Variants in GPC6 observed in about 807,000 individuals in gnomAD.
GPC6 encodes glypican 6, also known as glypican-6.
A neutral mutation model predicts 55.2 loss-of-function variants in GPC6; 14 were observed. The ratio of observed to expected loss-of-function variants is 0.25; its 90% CI spans 0.17 to 0.40. The LOEUF is 0.40. GPC6 is among the 10% of genes least tolerant of loss of function. The pLI is 1.00. For missense variants in GPC6, 641 were observed against 708.5 expected, an observed-to-expected ratio of 0.90 and a Z score of 1.08; for synonymous variants, 278 against 259.6, an observed-to-expected ratio of 1.07 and a Z score of -0.68.
intron 1 of GPC6, among the ~76,000 whole-genome samples, chr13:93,488,656 G>C (rs1195090036): frequency 6.6e-6 from 1 of 151,980 alleles, no homozygotes; most frequent in Non-Finnish European, 1.5e-5. Context: ...TTTAATGATC[G>C]CCATTCTAAC....
intron 3 of GPC6, among the ~76,000 whole-genome samples, chr13:93,841,118 T>G (rs189064446): frequency 6.6e-6 from 1 of 152,244 alleles, no homozygotes; most frequent in East Asian, 1.9e-4. Flanking sequence ...GGATTTCTAT[T>G]TTATTGTCCC....
At chr13:93,964,494 A>C (rs565641133) in intron 3 of GPC6, among the ~76,000 whole-genome samples, 1 of 152,348 alleles carries the variant, frequency 6.6e-6, no homozygotes, top group South Asian at 2.1e-4. Context: ...AAAACCCTTT[A>C]ATGATGTATC....
At chr13:93,419,834 T>A (rs1876857537) in intron 1 of GPC6, among the ~76,000 whole-genome samples, 1 of 152,114 alleles carries the variant, frequency 6.6e-6, no homozygotes, top group Non-Finnish European at 1.5e-5. Flanking sequence ...ATTAAACGTT[T>A]GAACTTTAAA....
At chr13:94,088,761 CA>C (rs1407740431) in intron 4 of GPC6, among the ~76,000 whole-genome samples, 1 of 151,882 alleles carries the variant, frequency 6.6e-6, no homozygotes, top group African/African-American at 2.4e-5. Context: ...TAGACTCCAA[CA>C]GAGTATAGCA....
At chr13:93,534,024 G>A (rs985248102) in intron 1 of GPC6, among the ~76,000 whole-genome samples, 1 of 152,004 alleles carries the variant, frequency 6.6e-6, no homozygotes, top group African/African-American at 2.4e-5. Context: ...CTTAATGAAG[G>A]GAAAGAAATG....
intron 1 of GPC6, among the ~76,000 whole-genome samples, chr13:93,437,640 A>C (rs1372131689): frequency 6.6e-6 from 1 of 152,212 alleles, no homozygotes; most frequent in African/African-American, 2.4e-5. Context: ...ATGCACAAGA[A>C]AATTTTGAAG....
rs751151956 is a variant in GPC6 at position 94,382,391 on chromosome 13, GC to G, written c.1153-22del. ...GAAAGCCTGAGCAGAATACTCACTT[GC>G]TTTCCTTGGTTTCTTGATCAGGTCA... On this transcript the variant is annotated intron_variant, in intron 6 of 8. Transcript: ENST00000377047. The G allele has an allele frequency of 2.5e-5, 40 of 1,613,776 alleles. No homozygotes were observed. In the Admixed American group the frequency reaches 6.7e-4, roughly 27 times the overall value.
chr13:93,839,045 GA>G (rs1887851602), intron 3 of GPC6, among the ~76,000 whole-genome samples: 1 of 152,132 alleles, frequency 6.6e-6, no homozygotes, highest in African/African-American at 2.4e-5. Flanking sequence ...TGAAAGTAAA[GA>G]GAGAGAGAAT....
At chr13:93,839,846 A>G (rs1043364353) in intron 3 of GPC6, among the ~76,000 whole-genome samples, 1 of 151,914 alleles carries the variant, frequency 6.6e-6, no homozygotes, top group Non-Finnish European at 1.5e-5. Context: ...TATTTTTTTG[A>G]TATGTTGTTG....
Position 94,307,686 on chromosome 13 carries a change from T to A in GPC6, c.1152+1563T>A, listed in dbSNP as rs1177442302. ...CACCATTTTTCTTTTAAACAACCAA[T>A]TAGATTCCACCAAATAACTAGTCAG... On this transcript the variant is annotated intron_variant, in intron 6 of 8. Coordinates refer to ENST00000377047, the MANE Select transcript of GPC6 (RefSeq NM_005708.5). Among the ~76,000 whole-genome samples the A allele has an allele frequency of 5.3e-5, 8 of 152,348 alleles. 1 individual carries two copies. In the East Asian group the frequency reaches 7.7e-4, roughly 15 times the overall value.
chr13:93,504,091 A>T (rs1880618295), intron 1 of GPC6, among the ~76,000 whole-genome samples: 1 of 152,202 alleles, frequency 6.6e-6, no homozygotes, highest in Admixed American at 6.5e-5. Flanking sequence ...AAGAAAGAGT[A>T]CAACATTAAG....
chr13:93,656,956 T>G (rs1233442488), intron 2 of GPC6, among the ~76,000 whole-genome samples: 2 of 151,848 alleles, frequency 1.3e-5, no homozygotes, highest in Non-Finnish European at 2.9e-5. Flanking sequence ...AAATTAGAGA[T>G]GACATAAATG....
At chr13:93,809,646 C>G (rs890883981) in intron 2 of GPC6, among the ~76,000 whole-genome samples, 5 of 152,190 alleles carry the variant, frequency 3.3e-5, no homozygotes, top group African/African-American at 1.2e-4. Context: ...TGCTCGTTGG[C>G]CTCTATTGCC....
intron 2 of GPC6, among the ~76,000 whole-genome samples, chr13:93,634,314 C>T: frequency 6.6e-6 from 1 of 152,300 alleles, no homozygotes; most frequent in Admixed American, 6.5e-5. Context: ...ATTCGACCAC[C>T]TCCTGCCTGT....
chr13:93,813,569 TATTTA>T (rs1886762897), intron 2 of GPC6, among the ~76,000 whole-genome samples: 1 of 152,200 alleles, frequency 6.6e-6, no homozygotes, highest in Non-Finnish European at 1.5e-5. Flanking sequence ...TTAAAAGCCT[TATTTA>T]ATTAGTAAAA....
chr13:94,213,528 A>G (rs575201194), intron 4 of GPC6, among the ~76,000 whole-genome samples: 11 of 152,292 alleles, frequency 7.2e-5, no homozygotes, highest in Middle Eastern at 3.4e-3. Flanking sequence ...TGGTTCTTCT[A>G]GTCCCCACTG....
At chr13:93,601,516 G>A (rs1157806421) in intron 2 of GPC6, among the ~76,000 whole-genome samples, 4 of 152,104 alleles carry the variant, frequency 2.6e-5, no homozygotes, top group African/African-American at 9.7e-5. Flanking sequence ...CTAATAACAG[G>A]AAAAGCATTC....
chr13:94,342,448 G>A (rs1878088517), intron 6 of GPC6, among the ~76,000 whole-genome samples: 1 of 152,164 alleles, frequency 6.6e-6, no homozygotes, highest in Admixed American at 6.5e-5. Flanking sequence ...GGCAGAGATG[G>A]CAGTGATGCA....
intron 2 of GPC6, among the ~76,000 whole-genome samples, chr13:93,568,985 A>G (rs1213341224): frequency 1.3e-5 from 2 of 152,310 alleles, no homozygotes; most frequent in East Asian, 3.9e-4. Context: ...ACTTGTATCA[A>G]GTCCAGGCAT....
Sources: allele counts gnomAD v4.1 joint callset (sites outside exome capture counted in the v4.1 genomes callset), GRCh38; gene constraint gnomAD v4.1.1; transcripts MANE v1.5; gene names NCBI Gene and HGNC (gene_info 2026-07-23, HGNC 2026-07-21).